The following LAMA2 variants were observed in gnomAD, a reference collection of about 807,000 sequenced individuals.
LAMA2 encodes the protein laminin subunit alpha 2, also known as laminin subunit alpha-2.
Under a neutral mutation model 364.8 loss-of-function variants are expected in LAMA2, and 269 were observed. The observed-to-expected ratio is 0.74, with a 90% confidence interval of 0.67 to 0.82. The LOEUF is 0.82. LAMA2 is among the 40% of genes least tolerant of loss of function. The pLI, the probability that LAMA2 is intolerant of heterozygous loss-of-function variation, is 0.00. For missense variants in LAMA2, 3,807 were observed against 3,873.2 expected, an observed-to-expected ratio of 0.98 and a Z score of 0.45; for synonymous variants, 1,379 against 1,370.6, an observed-to-expected ratio of 1.01 and a Z score of -0.14.
intron 1 of LAMA2, 70 bp from the exon 2 acceptor site, chr6:129,049,848 G>C: frequency 2.9e-6 from 4 of 1,368,250 alleles, no homozygotes; most frequent in Non-Finnish European, 3.1e-6. Flanking sequence ...TATCTCAATT[G>C]CTTTTAAAAT....
At chr6:128,994,015 T>TTAACTCTTATTAAGA in intron 1 of LAMA2, among the ~76,000 whole-genome samples, 1 of 152,310 alleles carries the variant, frequency 6.6e-6, no homozygotes, top group South Asian at 2.1e-4. Context: ...TTAAATGTTG[T>TTAACTCTTATTAAGA]GTCAATGCCA....
intron 1 of LAMA2, among the ~76,000 whole-genome samples, chr6:128,913,995 A>T (rs1461689612): frequency 1.3e-5 from 2 of 152,298 alleles, no homozygotes; most frequent in Non-Finnish European, 2.9e-5. Context: ...TTAGAAAAAT[A>T]AAAAGGATTG....
At position 129,098,434 on chromosome 6, in the gene LAMA2, C is replaced by T. The variant is rs1468668180; in HGVS notation, c.639+19C>T. On this transcript the variant is annotated intron_variant, in intron 4 of 64. Transcript: ENST00000421865. ...TGGAGAGGTAAGATGAGAAAACTCA[C>T]CATTTAAGCACATTTGATACGGTGA... 4 of 1,613,388 alleles carry T rather than the reference C, an allele frequency of 2.5e-6. No homozygotes were observed. The South Asian group carries it at 4.4e-5, about 18-fold the overall frequency.
At chr6:128,896,042 A>G (rs1444461385) in intron 1 of LAMA2, among the ~76,000 whole-genome samples, 1 of 152,130 alleles carries the variant, frequency 6.6e-6, no homozygotes, top group African/African-American at 2.4e-5. Context: ...TTCACTCTTC[A>G]AGGGCCTCAT....
At chr6:129,038,583 C>T (rs1786841535) in intron 1 of LAMA2, among the ~76,000 whole-genome samples, 1 of 152,214 alleles carries the variant, frequency 6.6e-6, no homozygotes, top group Non-Finnish European at 1.5e-5. Flanking sequence ...GCCGCCATCA[C>T]TACTTTCTCT....
At chr6:128,979,330 G>A (rs1370451509) in intron 1 of LAMA2, among the ~76,000 whole-genome samples, 1 of 152,108 alleles carries the variant, frequency 6.6e-6, no homozygotes, top group Non-Finnish European at 1.5e-5. Flanking sequence ...CTAGTGCAGG[G>A]ATATTTTGGA....
At chr6:129,380,813 T>C (rs954126113) in intron 34 of LAMA2, among the ~76,000 whole-genome samples, 14 of 152,192 alleles carry the variant, frequency 9.2e-5, no homozygotes, top group African/African-American at 3.4e-4. Flanking sequence ...GTTTGTAGGA[T>C]TCTTGACAAT....
intron 64 of LAMA2, among the ~76,000 whole-genome samples, chr6:129,514,958 A>G (rs965212298): frequency 1.0e-4 from 15 of 149,608 alleles, no homozygotes; most frequent in African/African-American, 3.7e-4. Context: ...AATCAATCAT[A>G]AAATGTTATG....
chr6:129,112,119 A>C (rs1019285528), intron 4 of LAMA2, among the ~76,000 whole-genome samples: 3 of 152,000 alleles, frequency 2.0e-5, no homozygotes, highest in African/African-American at 7.2e-5. Flanking sequence ...ACATCCACTT[A>C]CAGCACTTAT....
At chr6:129,115,661 A>T (rs960095306) in intron 4 of LAMA2, among the ~76,000 whole-genome samples, 1 of 152,036 alleles carries the variant, frequency 6.6e-6, no homozygotes, top group Non-Finnish European at 1.5e-5. Context: ...GTACAGAAGG[A>T]GGACTTTAGT....
chr6:129,020,626 T>C (rs909469244), intron 1 of LAMA2, among the ~76,000 whole-genome samples: 1 of 152,122 alleles, frequency 6.6e-6, no homozygotes, highest in Non-Finnish European at 1.5e-5. Flanking sequence ...GAAGAACACG[T>C]GAAAAGGTGT....
intron 1 of LAMA2, among the ~76,000 whole-genome samples, chr6:128,895,129 A>G (rs752161887): frequency 6.6e-6 from 1 of 152,200 alleles, no homozygotes; most frequent in Non-Finnish European, 1.5e-5. Context: ...GGAGAGTGAT[A>G]CCATTTCTTT....
chr6:129,352,162 G>A (rs1776886521), intron 31 of LAMA2, among the ~76,000 whole-genome samples: 1 of 152,200 alleles, frequency 6.6e-6, no homozygotes. Context: ...ATTAAAAACA[G>A]GCAGTGTTTT....
At chr6:128,929,195 A>G (rs1779287221) in intron 1 of LAMA2, 2 of 1,477,716 alleles carry the variant, frequency 1.4e-6, no homozygotes, top group South Asian at 2.3e-5. Flanking sequence ...TACAGAGGCA[A>G]GAGCTCCCAC....
At chr6:128,883,447 A>ACTGC in intron 1 of LAMA2, 90 bp downstream of exon 1, 1 of 1,537,896 alleles carries the variant, frequency 6.5e-7, no homozygotes, top group South Asian at 1.2e-5. Flanking sequence ...CTGTCTGTGG[A>ACTGC]CTGCCGTCTT....
chr6:129,300,924 T>C (rs1446083335), intron 22 of LAMA2, 52 bp downstream of exon 22: 1 of 1,524,386 alleles, frequency 6.6e-7, no homozygotes, highest in African/African-American at 1.4e-5. Flanking sequence ...ATTTTTGTTT[T>C]GTAGAGCTCT....
At chr6:129,496,099 G>A (rs980163601) in intron 58 of LAMA2, among the ~76,000 whole-genome samples, 6 of 152,120 alleles carry the variant, frequency 3.9e-5, no homozygotes, top group African/African-American at 7.2e-5. Flanking sequence ...ACACATGAGC[G>A]ATAGTTGGCA....
intron 1 of LAMA2, among the ~76,000 whole-genome samples, chr6:129,011,877 C>T (rs190400675): frequency 1.2e-3 from 189 of 152,254 alleles, no homozygotes; most frequent in African/African-American, 4.4e-3. Flanking sequence ...CCTCTTTTAT[C>T]ATCCTATGTT....
chr6:129,139,913 GA>G (rs112371424), intron 4 of LAMA2, among the ~76,000 whole-genome samples: 5,426 of 152,096 alleles, frequency 0.036, 321 homozygotes, highest in African/African-American at 0.12. Flanking sequence ...AATGTTTTAG[GA>G]GAGAGCATAC....
Sources: gnomAD v4.1 joint callset for allele counts (sites outside exome capture counted in the v4.1 genomes callset) on GRCh38, gnomAD v4.1.1 for gene constraint, MANE v1.5 for transcripts, NCBI Gene and HGNC (gene_info 2026-07-23, HGNC 2026-07-21) for gene names.